ARPP21: variants seen among roughly 807,000 people sequenced by gnomAD.
ARPP21 encodes the protein cAMP-regulated phosphoprotein 21.
ARPP21 carries 69 observed loss-of-function variants against 113.2 expected under a neutral mutation model. That is an observed-to-expected ratio of 0.61 (90% CI 0.50 to 0.74). The LOEUF is 0.74. Ranked by LOEUF, ARPP21 falls within the 30% of genes least tolerant of loss-of-function variation. The probability of loss-of-function intolerance (pLI) is 0.00; values close to 1 mark genes in which losing one functional copy is unlikely to be tolerated. For missense variants in ARPP21, 1,070 were observed against 1,037.4 expected (o/e 1.03, Z -0.43); for synonymous variants, 368 against 375.5 (o/e 0.98, Z 0.23).
At chr3:35,714,998 G>C (rs1009306916) in intron 11 of ARPP21, 2 of 154,286 alleles carry the variant, frequency 1.3e-5, no homozygotes, top group African/African-American at 4.8e-5. Context: ...TTTCAGGATT[G>C]TGGCTTTATG....
intron 4 of ARPP21, 116 bp from the exon 5 acceptor site, chr3:35,683,610 T>C (rs55756117): frequency 0.11 from 73,628 of 666,192 alleles, 4,347 homozygotes; most frequent in Non-Finnish European, 0.12. Context: ...AAGTTTGGTT[T>C]TAAAAATCTC....
At position 35,743,931 on chromosome 3, in the gene ARPP21, G is replaced by A; in HGVS notation, c.2103G>A (p.Arg701=). The A allele has an allele frequency of 6.2e-7, 1 of 1,614,146 alleles. No individual in the cohort carries two copies. The change falls in exon 19 of 21, where the codon AGG becomes AGA. Residue 701 remains arginine (R), a synonymous_variant. Transcript: ENST00000684406. Reference sequence around the variant, plus strand: ...CCCCGGTTCAGTACAACGCTCAGAGGAGTCAACAGATGCCACAGGCAGCAC... The same window carrying A: ...CCCCGGTTCAGTACAACGCTCAGAGAAGTCAACAGATGCCACAGGCAGCAC... ...PMAPVQYNAQ[R]SQQMPQAAQQ... is the part of the protein sequence containing the mutation.
rs1288617636 is a variant in ARPP21, at chr3:35,786,728, A to G, written c.2138-5654A>G. 2.0e-5 allele frequency among the ~76,000 whole-genome samples: 3 copies of G among 152,170 alleles called. No homozygotes were observed. The East Asian group carries it at 5.8e-4, about 29-fold the overall frequency. ...AATTAGAGTAAGATAGAGGCTATAA[A>G]GGCCAGTAAAATCGATGCCTTCCTT... On this transcript the variant is annotated intron_variant, in intron 19 of 20. Transcript: ENST00000684406.
chr3:35,672,928 A>T lies in ARPP21; in HGVS notation c.-212-6859A>T, dbSNP rs2076695132. ...TGTGTAGAAAATTCAGTCAAAAATT[A>T]TCCCTGTAGTACTCAGTAAAAGGTA... On this transcript the variant is annotated intron_variant, in intron 1 of 20. Transcript: ENST00000684406. Among the ~76,000 whole-genome samples, 9 of 152,090 alleles carry T rather than the reference A, an allele frequency of 5.9e-5. No homozygotes were observed. In the South Asian group the frequency reaches 1.9e-3, roughly 31 times the overall value.
chr3:35,709,502 T>C (rs1186354942), intron 11 of ARPP21, among the ~76,000 whole-genome samples: 1 of 152,172 alleles, frequency 6.6e-6, no homozygotes, highest in Non-Finnish European at 1.5e-5. Context: ...ATACAACGAG[T>C]ATTTTCTGGG....
Position 35,729,513 on chromosome 3 carries a change from G to A in ARPP21, c.1436G>A (p.Ser479Asn). The A allele has an allele frequency of 1.9e-6, 3 of 1,614,204 alleles. No homozygotes were observed. Among genetic ancestry groups the A allele is most frequent in the South Asian group, 2.2e-5 (2 of 91,088 alleles). The part of the protein sequence containing the change: ...LEAATGIPPG[S>N]ILLNPHTGQP... ...GCTGCAACAGGCATCCCGCCTGGAA[G>A]CATCCTTCTTAATCCACACACAGGT... Residue 479 changes from serine (S) to asparagine (N), a missense_variant, in exon 15 of 21, where the codon AGC becomes AAC. Coordinates refer to ENST00000684406, the MANE Select transcript of ARPP21 (RefSeq NM_001385562.1).
chr3:35,657,332 T>C (rs78871028), intron 1 of ARPP21, among the ~76,000 whole-genome samples: 8,252 of 152,074 alleles, frequency 0.054, 741 homozygotes, highest in African/African-American at 0.19. Context: ...TAGCTATAAT[T>C]TTTAAAGACA....
At chr3:35,669,786 C>A (rs560857804) in intron 1 of ARPP21, among the ~76,000 whole-genome samples, 1 of 152,232 alleles carries the variant, frequency 6.6e-6, no homozygotes, top group South Asian at 2.1e-4. Context: ...TTTGTGTGCC[C>A]ATCACAACCA....
chr3:35,665,036 G>T (rs933943702), intron 1 of ARPP21, among the ~76,000 whole-genome samples: 3 of 152,068 alleles, frequency 2.0e-5, no homozygotes, highest in Non-Finnish European at 4.4e-5. Flanking sequence ...CAAACTTTTC[G>T]CTCCTTTGGA....
chr3:35,786,246 G>T (rs1024978922), intron 19 of ARPP21, among the ~76,000 whole-genome samples: 1 of 152,020 alleles, frequency 6.6e-6, no homozygotes, highest in African/African-American at 2.4e-5. Flanking sequence ...TTACTTGGCC[G>T]GGCGTGGTGG....
intron 11 of ARPP21, among the ~76,000 whole-genome samples, chr3:35,710,969 C>T (rs544027392): frequency 6.6e-6 from 1 of 152,294 alleles, no homozygotes; most frequent in South Asian, 2.1e-4. Flanking sequence ...GCTGTATCAA[C>T]AGTTTTTAAA....
intron 19 of ARPP21, among the ~76,000 whole-genome samples, chr3:35,759,674 C>CTGTGTG (rs1346888304): frequency 1.8e-3 from 232 of 130,706 alleles, no homozygotes; most frequent in African/African-American, 5.9e-3. Context: ...CATTTTCTCT[C>CTGTGTG]TCTGTGTGTG....
intron 1 of ARPP21, among the ~76,000 whole-genome samples, chr3:35,668,942 C>T (rs1481566481): frequency 6.6e-6 from 1 of 152,062 alleles, no homozygotes; most frequent in Non-Finnish European, 1.5e-5. Flanking sequence ...TAATATAATA[C>T]TTAACTATAA....
chr3:35,729,351 C>A lies in ARPP21; in HGVS notation c.1274C>A (p.Thr425Asn). Residue 425 changes from threonine to asparagine, a missense_variant, in exon 15 of 21, where the codon ACC becomes AAC. Physicochemically the swap from Thr to Asn is moderately conservative, Grantham distance 65. Coordinates refer to ENST00000684406, the MANE Select transcript of ARPP21 (RefSeq NM_001385562.1). ...SAGSSGSLSR[T>N]HPPLQSTPLV... ...GGCTCCTCAGGATCGCTGTCCCGCACCCATCCACCTCTCCAGAGCACACCC... is the reference window on the plus strand; with the variant it reads ...GGCTCCTCAGGATCGCTGTCCCGCAACCATCCACCTCTCCAGAGCACACCC... 1 of 1,614,166 alleles carries A rather than the reference C, an allele frequency of 6.2e-7. No homozygotes were observed. Among genetic ancestry groups the A allele is most frequent in the East Asian group, 2.2e-5 (1 of 44,866 alleles).
intron 1 of ARPP21, among the ~76,000 whole-genome samples, chr3:35,649,731 G>A (rs989986229): frequency 6.6e-5 from 10 of 152,110 alleles, no homozygotes; most frequent in Non-Finnish European, 1.5e-4. Context: ...CCTGCTTTAA[G>A]CAGAACAGGT....
chr3:35,738,276 C>T lies in ARPP21; in HGVS notation c.1707C>T (p.Pro569=), dbSNP rs2094473352. 6.5e-7 allele frequency: 1 copy of T among 1,536,130 alleles called. No homozygotes were observed. Among genetic ancestry groups the T allele is most frequent in the African/African-American group, 1.4e-5 (1 of 73,140 alleles). The change falls in exon 17 of 21, where the codon CCC becomes CCT. Residue 569 remains proline, a synonymous_variant. Transcript: ENST00000684406. ...AATATCCAGCAGTCTCTTTTCCTCC[C>T]CAGCACCTCCTACCTGTGTCTCCAA... ...SVQYPAVSFP[P]QHLLPVSPTQ...
At chr3:35,724,702 T>A (rs1483638318) in intron 14 of ARPP21, among the ~76,000 whole-genome samples, 1 of 152,240 alleles carries the variant, frequency 6.6e-6, no homozygotes, top group Non-Finnish European at 1.5e-5. Context: ...AGGCTATTCC[T>A]GCTATTGTCA....
At chr3:35,709,803 A>T (rs1009156684) in intron 11 of ARPP21, among the ~76,000 whole-genome samples, 1 of 152,200 alleles carries the variant, frequency 6.6e-6, no homozygotes, top group African/African-American at 2.4e-5. Context: ...TCCTCAAATG[A>T]TGTGGGTTCT....
chr3:35,774,079 G>C (rs2096282810), intron 19 of ARPP21, among the ~76,000 whole-genome samples: 1 of 152,124 alleles, frequency 6.6e-6, no homozygotes, highest in Non-Finnish European at 1.5e-5. Flanking sequence ...TGGTAAGATA[G>C]AGATCATTTC....
Sources: gnomAD v4.1 joint callset for allele counts (sites outside exome capture counted in the v4.1 genomes callset) on GRCh38, gnomAD v4.1.1 for gene constraint, MANE v1.5 for transcripts, NCBI Gene and HGNC (gene_info 2026-07-23, HGNC 2026-07-21) for gene names.